Variants in RABL3 observed in about 807,000 individuals in gnomAD.
RABL3 encodes RAB, member of RAS oncogene family like 3.
Under a neutral mutation model 31.8 loss-of-function variants are expected in RABL3, and 31 were observed. The ratio of observed to expected loss-of-function variants is 0.97; its 90% CI spans 0.73 to 1.31. The LOEUF (loss-of-function observed/expected upper bound fraction) is 1.31, where lower values mean the gene tolerates loss of function less well. RABL3 is among the 40% of genes most tolerant of loss of function. The probability of loss-of-function intolerance (pLI) is 0.00; values close to 1 mark genes in which losing one functional copy is unlikely to be tolerated. For synonymous variants in RABL3, 97 were observed against 99.9 expected (o/e 0.97, Z 0.18); for missense variants, 263 against 279.6 (o/e 0.94, Z 0.42).
At chr3:120,736,243 A>G (rs556648176) in intron 1 of RABL3, among the ~76,000 whole-genome samples, 6 of 152,148 alleles carry the variant, frequency 3.9e-5, no homozygotes, top group Admixed American at 2.6e-4. Flanking sequence ...TTGGGTGCAT[A>G]TATGTTTAGG....
intron 5 of RABL3, among the ~76,000 whole-genome samples, chr3:120,696,598 C>CACACACACAA (rs2107576304): frequency 2.5e-5 from 1 of 39,992 alleles, no homozygotes; most frequent in Non-Finnish European, 9.6e-5. Flanking sequence ...GAATAACACA[C>CACACACACAA]ACACACACAC....
At chr3:120,720,275 T>C (rs928337685) in intron 2 of RABL3, among the ~76,000 whole-genome samples, 1 of 151,912 alleles carries the variant, frequency 6.6e-6, no homozygotes, top group African/African-American at 2.4e-5. Flanking sequence ...AAAATCAGAG[T>C]GCCTCTCCTC....
rs377423266 is a variant in RABL3, at chr3:120,694,711, C to G, written c.535-487G>C. Reference sequence around the variant, plus strand: ...TTAGAGGTGCAAAGAACAAACAGAACAATTGCCAAGGATTTCTCTTTAGAT... The same window carrying G: ...TTAGAGGTGCAAAGAACAAACAGAAGAATTGCCAAGGATTTCTCTTTAGAT... On this transcript the variant is annotated intron_variant, in intron 5 of 7. Coordinates refer to ENST00000273375, the MANE Select transcript of RABL3 (RefSeq NM_173825.5). 6.6e-5 allele frequency among the ~76,000 whole-genome samples: 10 copies of G among 152,154 alleles called. No homozygotes were observed. In the South Asian group the frequency reaches 1.9e-3, roughly 28 times the overall value.
chr3:120,736,494 C>T (rs1271882759), intron 1 of RABL3, among the ~76,000 whole-genome samples: 1 of 151,898 alleles, frequency 6.6e-6, no homozygotes, highest in African/African-American at 2.4e-5. Flanking sequence ...TGACAATTTG[C>T]CAGTCTGTCT....
At chr3:120,735,873 C>A (rs1040409830) in intron 1 of RABL3, among the ~76,000 whole-genome samples, 1 of 152,040 alleles carries the variant, frequency 6.6e-6, no homozygotes, top group African/African-American at 2.4e-5. Context: ...GTTTCTCAAT[C>A]CTGAGTTCTA....
chr3:120,714,581 T>C (rs1708647046), intron 2 of RABL3, among the ~76,000 whole-genome samples: 1 of 152,198 alleles, frequency 6.6e-6, no homozygotes, highest in Non-Finnish European at 1.5e-5. Flanking sequence ...ACGTCTAAAC[T>C]TCGTGAAAAA....
At chr3:120,735,381 G>A (rs1302495318) in intron 1 of RABL3, among the ~76,000 whole-genome samples, 4 of 151,986 alleles carry the variant, frequency 2.6e-5, no homozygotes, top group African/African-American at 7.3e-5. Flanking sequence ...CTGTGGGATC[G>A]GTGGTGATAT....
intron 2 of RABL3, among the ~76,000 whole-genome samples, chr3:120,725,178 C>G (rs1362357358): frequency 6.6e-6 from 1 of 152,070 alleles, no homozygotes; most frequent in African/African-American, 2.4e-5. Context: ...TTTATGCAGC[C>G]AAAAGACACA....
At chr3:120,695,448 G>T (rs960054103) in intron 5 of RABL3, among the ~76,000 whole-genome samples, 3 of 152,092 alleles carry the variant, frequency 2.0e-5, no homozygotes, top group African/African-American at 7.2e-5. Flanking sequence ...TTACTGATTT[G>T]TGGAATGGGG....
chr3:120,722,712 A>C (rs899392424), intron 2 of RABL3: 2 of 152,238 alleles, frequency 1.3e-5, no homozygotes, highest in African/African-American at 4.8e-5. Context: ...TACATAACGA[A>C]ATGAAGGCAG....
In RABL3 at chr3:120,685,336, T is replaced by C. The variant is rs1708296699; in HGVS notation, c.*4487A>G. On this transcript the variant is annotated 3_prime_UTR_variant, in exon 8 of 8. Transcript: ENST00000273375. ...GATTACCTGATATACTTGATGGTAC[T>C]GAGCGAGGTTTTACACCTTGGTTGG... Among the ~76,000 whole-genome samples the C allele has an allele frequency of 6.6e-6, 1 of 152,196 alleles. No individual in the cohort carries two copies. Among genetic ancestry groups the C allele is most frequent in the Admixed American group, 6.5e-5 (1 of 15,278 alleles).
At chr3:120,723,596 C>T (rs946907837) in intron 2 of RABL3, among the ~76,000 whole-genome samples, 6 of 152,130 alleles carry the variant, frequency 3.9e-5, no homozygotes, top group African/African-American at 1.4e-4. Context: ...AAAGCTTATC[C>T]ACCATGATCA....
chr3:120,739,318 A>G (rs1459277769), intron 1 of RABL3, among the ~76,000 whole-genome samples: 2 of 151,930 alleles, frequency 1.3e-5, no homozygotes, highest in African/African-American at 4.8e-5. Context: ...CAGAGGCTGC[A>G]GTGAGCCGAG....
intron 4 of RABL3, among the ~76,000 whole-genome samples, chr3:120,702,010 A>G (rs540566100): frequency 2.2e-4 from 34 of 152,340 alleles, no homozygotes; most frequent in Admixed American, 1.7e-3. Context: ...AATGCAACTC[A>G]GCTTAAAACC....
At chr3:120,717,147 T>G (rs1219078023) in intron 2 of RABL3, among the ~76,000 whole-genome samples, 1 of 151,716 alleles carries the variant, frequency 6.6e-6, no homozygotes, top group Non-Finnish European at 1.5e-5. Context: ...TCCCAGCTAC[T>G]CGGGAGGCTG....
At chr3:120,717,660 G>C (rs1174770733) in intron 2 of RABL3, among the ~76,000 whole-genome samples, 1 of 152,010 alleles carries the variant, frequency 6.6e-6, no homozygotes, top group Non-Finnish European at 1.5e-5. Flanking sequence ...GTAGAGATGG[G>C]GTTTCACAAT....
chr3:120,696,830 T>C (rs2107576424), intron 5 of RABL3, among the ~76,000 whole-genome samples: 1 of 152,340 alleles, frequency 6.6e-6, no homozygotes, highest in East Asian at 1.9e-4. Flanking sequence ...CATGGTTCAG[T>C]GCTGACTACC....
Position 120,687,637 on chromosome 3 carries a change from G to T in RABL3, c.*2186C>A, listed in dbSNP as rs1411202086. On this transcript the variant is annotated 3_prime_UTR_variant, in exon 8 of 8. Coordinates refer to ENST00000273375, the MANE Select transcript of RABL3 (RefSeq NM_173825.5). The stretch of plus-strand genomic sequence containing the variant: ...TAATAATTGCAACAAATTTACCTTA[G>T]ATTATTAAAAACTATTTTTTCTTAG... 3 of 152,032 alleles carry T rather than the reference G, an allele frequency of 2.0e-5. No homozygotes were observed. The highest frequency in any genetic ancestry group is 3.8e-4 in the East Asian group (2 of 5,200). The allele number at this position is 152,032 out of a possible 1,614,324, so 9.4% of individuals were successfully genotyped here. A position where few individuals can be genotyped will look rare whatever the true frequency, so the allele number is the denominator to read the frequency against.
At chr3:120,710,649 T>G (rs1020299021) in intron 2 of RABL3, 2 of 152,236 alleles carry the variant, frequency 1.3e-5, no homozygotes, top group African/African-American at 4.8e-5. Context: ...CCCACTTTCT[T>G]GCTTAAAGAT....
Sources: allele counts gnomAD v4.1 joint callset (sites outside exome capture counted in the v4.1 genomes callset), GRCh38; gene constraint gnomAD v4.1.1; transcripts MANE v1.5; gene names NCBI Gene and HGNC (gene_info 2026-07-23, HGNC 2026-07-21).